HUWE1: variants seen among roughly 807,000 people sequenced by gnomAD.
HUWE1 encodes HECT, UBA and WWE domain containing E3 ubiquitin protein ligase 1.
HUWE1 carries 18 observed loss-of-function variants against 299.4 expected under a neutral mutation model. The ratio of observed to expected loss-of-function variants is 0.06; its 90% CI spans 0.04 to 0.09. The LOEUF (loss-of-function observed/expected upper bound fraction) is 0.09, where lower values mean the gene tolerates loss of function less well. Among genes scored for constraint, HUWE1 ranks in the 10% least tolerant of loss-of-function variants. The pLI, the probability that HUWE1 is intolerant of heterozygous loss-of-function variation, is 1.00. For synonymous variants in HUWE1, 1,317 were observed against 1,286.1 expected (o/e 1.02, Z -0.51); for missense variants, 1,832 against 3,462.3 (o/e 0.53, Z 11.82).
intron 3 of HUWE1, among the ~76,000 whole-genome samples, chrX:53,657,449 C>G (rs1409861917): frequency 1.8e-5 from 2 of 111,574 alleles, no homozygotes; most frequent in Non-Finnish European, 3.8e-5. Context: ...TTGCTTGAAT[C>G]CAGGAGGCAG....
Position 53,544,481 on chromosome X carries a change from C to A in HUWE1, c.11251+79G>T, listed in dbSNP as rs185098025. 149 of 777,693 alleles carry A rather than the reference C, an allele frequency of 1.9e-4. No individual in the cohort carries two copies. The African/African-American group carries it at 2.7e-3, about 14-fold the overall frequency. The allele number at this position is 777,693 out of a possible 1,213,427, so 64.1% of individuals were successfully genotyped here. On this transcript the variant is annotated intron_variant, in intron 72 of 83. Coordinates refer to ENST00000262854, the MANE Select transcript of HUWE1 (RefSeq NM_031407.7). ...AAGGTCAAACAGGAAGGAGACAGGC[C>A]GTTAAGTCCTGCACCTCCAAGGAAT...
At chrX:53,670,266 A>G (rs2069454789) in intron 3 of HUWE1, among the ~76,000 whole-genome samples, 1 of 112,194 alleles carries the variant, frequency 8.9e-6, no homozygotes, top group South Asian at 3.7e-4. Context: ...GAAGAGGACC[A>G]CTTACTTTGT....
At chrX:53,573,647 G>T (rs2062948276) in intron 47 of HUWE1, 103 bp downstream of exon 47, 1 of 706,961 alleles carries the variant, frequency 1.4e-6, no homozygotes, top group South Asian at 2.3e-5. Flanking sequence ...CATTACTTGG[G>T]TTAGCACTTA....
chrX:53,603,657 C>T (rs2065002846), intron 26 of HUWE1, among the ~76,000 whole-genome samples, 156 bp from the exon 27 acceptor site: 1 of 112,194 alleles, frequency 8.9e-6, no homozygotes, highest in Non-Finnish European at 1.9e-5. Context: ...ACACTCAAGA[C>T]GACAGTTCCA....
In HUWE1 at chrX:53,545,046, C is replaced by T. The variant is rs1246356783; in HGVS notation, c.11031G>A (p.Lys3677=). Residue 3677 remains lysine, a synonymous_variant, in exon 71 of 84, where the codon AAG becomes AAA. Coordinates refer to ENST00000262854, the MANE Select transcript of HUWE1 (RefSeq NM_031407.7). The part of the protein sequence containing the change: ...PEEQPQTTKL[K]GKMQSRFDMA... The stretch of plus-strand genomic sequence containing the variant: ...CCACCCACCTGCTCTGCATTTTGCC[C>T]TTCAGCTTGGTGGTCTGTGGCTGCT... 2 of 1,209,138 alleles carry T rather than the reference C, an allele frequency of 1.7e-6. No homozygotes were observed. Among genetic ancestry groups the T allele is most frequent in the East Asian group, 3.0e-5 (1 of 33,721 alleles).
intron 35 of HUWE1, among the ~76,000 whole-genome samples, chrX:53,590,086 A>G (rs1556977485): frequency 8.9e-6 from 1 of 112,227 alleles, no homozygotes; most frequent in African/African-American, 3.2e-5. Context: ...ACACTGTTCT[A>G]TATTCTGTGC....
chrX:53,651,420 C>T (rs1557040072), intron 4 of HUWE1, among the ~76,000 whole-genome samples: 1 of 110,941 alleles, frequency 9.0e-6, no homozygotes, highest in African/African-American at 3.3e-5. Flanking sequence ...ATTCTAGGAC[C>T]CCCATGAATA....
rs781976141 is a variant in HUWE1 at position 53,653,146 on chromosome X, AAAAC to A, written c.45+913_45+916del. Among the ~76,000 whole-genome samples the A allele has an allele frequency of 2.9e-4, 33 of 112,222 alleles. No homozygotes were observed. In the East Asian group the frequency reaches 5.6e-3, roughly 19 times the overall value. On this transcript the variant is annotated intron_variant, in intron 4 of 83. Coordinates refer to ENST00000262854, the MANE Select transcript of HUWE1 (RefSeq NM_031407.7). ...GTGTGACAGAGCAAAACCCTGTCTCAAAACAAACAAACAAACAAAAAAAACTGGA... is the reference window on the plus strand; with the variant it reads ...GTGTGACAGAGCAAAACCCTGTCTCAAAACAAACAAACAAAAAAAACTGGA...
At chrX:53,628,385 T>A in intron 15 of HUWE1, 108 bp downstream of exon 15, 1 of 851,941 alleles carries the variant, frequency 1.2e-6, no homozygotes. Flanking sequence ...CTGGATAAGC[T>A]TTCTTATATT....
intron 17 of HUWE1, 117 bp from the exon 18 acceptor site, chrX:53,625,375 T>C: frequency 1.9e-6 from 1 of 518,502 alleles, no homozygotes; most frequent in South Asian, 2.8e-5. Context: ...TTAGAAGACA[T>C]TCGAAGTGAG....
chrX:53,683,117 G>A (rs190937022), intron 2 of HUWE1, among the ~76,000 whole-genome samples: 2 of 111,508 alleles, frequency 1.8e-5, no homozygotes, highest in Non-Finnish European at 3.8e-5. Context: ...GGGACCAATG[G>A]AAGGGGGAGA....
intron 3 of HUWE1, among the ~76,000 whole-genome samples, chrX:53,674,714 C>T (rs1470762939): frequency 9.0e-6 from 1 of 111,609 alleles, no homozygotes; most frequent in African/African-American, 3.3e-5. Context: ...ACCATACTGA[C>T]CCTTTTGTGT....
Position 53,624,751 on chromosome X carries a change from T to C in HUWE1, c.1592-76A>G, listed in dbSNP as rs782453851. ...GAGGAGTGGGGATAATTGAGTGATATGTTATGTATTATCACACTGTGGTCC... is the reference window on the plus strand; with the variant it reads ...GAGGAGTGGGGATAATTGAGTGATACGTTATGTATTATCACACTGTGGTCC... On this transcript the variant is annotated intron_variant, in intron 18 of 83. Coordinates refer to ENST00000262854, the MANE Select transcript of HUWE1 (RefSeq NM_031407.7). The C allele has an allele frequency of 4.3e-5, 30 of 702,078 alleles. No individual in the cohort carries two copies. In the East Asian group the frequency reaches 9.6e-4, roughly 23 times the overall value. 57.9% of individuals were successfully genotyped at this position (702,078 alleles called of 1,213,427 possible). A position where few individuals can be genotyped will look rare whatever the true frequency, so the allele number is the denominator to read the frequency against.
intron 3 of HUWE1, among the ~76,000 whole-genome samples, chrX:53,667,475 C>A (rs1557048002): frequency 9.0e-6 from 1 of 111,514 alleles, no homozygotes; most frequent in Non-Finnish European, 1.9e-5. Context: ...TATAGTTGGG[C>A]AAAATCATCT....
chrX:53,578,408 TCC>T, intron 43 of HUWE1, among the ~76,000 whole-genome samples: 1 of 57,277 alleles, frequency 1.7e-5, no homozygotes, highest in East Asian at 6.0e-4. Context: ...GGTGAGGGGC[TCC>T]TCTGCCCGGC....
chrX:53,564,634 A>G lies in HUWE1; in HGVS notation c.6969T>C (p.Ala2323=). 8.3e-7 allele frequency: 1 copy of G among 1,211,516 alleles called. No individual in the cohort carries two copies. ...CAGCAATCACCACTGAGTCGGTTTCAGCCTCCCCATCCATGATATCCCCAT... is the reference window on the plus strand; with the variant it reads ...CAGCAATCACCACTGAGTCGGTTTCGGCCTCCCCATCCATGATATCCCCAT... The part of the protein sequence containing the change: ...VADGDIMDGE[A]ETDSVVIAGQ... Residue 2323 remains alanine, a synonymous_variant, in exon 51 of 84, where the codon GCT becomes GCC. Transcript: ENST00000262854.
chrX:53,547,714 G>A lies in HUWE1; in HGVS notation c.10595C>T (p.Thr3532Ile). 8.3e-7 allele frequency: 1 copy of A among 1,209,340 alleles called. No individual in the cohort carries two copies. Among genetic ancestry groups the A allele is most frequent in the Non-Finnish European group, 1.1e-6 (1 of 894,215 alleles). Residue 3532 changes from threonine (T) to isoleucine (I), a missense_variant, in exon 68 of 84, where the codon ACC becomes ATC. Around this residue, in one of 15 missense-constraint regions of HUWE1, gnomAD observed 119 missense variants for 124.6 expected, o/e 0.96. Coordinates refer to ENST00000262854, the MANE Select transcript of HUWE1 (RefSeq NM_031407.7). The stretch of plus-strand genomic sequence containing the variant: ...AGCAGTCGTGGGGGTAGTCACTGTG[G>A]TCGAAGCAGCTACGACAATGGTGGA... ...AISTIVVAAS[T>I]TVTTPTTATT...
At chrX:53,624,808 C>A (rs1397590184) in intron 18 of HUWE1, 133 bp from the exon 19 acceptor site, 1 of 507,494 alleles carries the variant, frequency 2.0e-6, no homozygotes, top group Non-Finnish European at 3.5e-6. Context: ...ATCTAATGGC[C>A]CCCAGTTGTC....
At chrX:53,617,226 T>A in intron 20 of HUWE1, 79 bp from the exon 21 acceptor site, 1 of 1,039,776 alleles carries the variant, frequency 9.6e-7, no homozygotes. Flanking sequence ...GGTATCAAGC[T>A]GAGATAGAAG....
Sources: gnomAD v4.1 joint callset for allele counts (sites outside exome capture counted in the v4.1 genomes callset) on GRCh38, gnomAD v4.1.1 for gene constraint, gnomAD v4.1.1 regional missense constraint, MANE v1.5 for transcripts, NCBI Gene and HGNC (gene_info 2026-07-23, HGNC 2026-07-21) for gene names.